TTC28: variants seen among roughly 807,000 people sequenced by gnomAD.
The protein encoded by TTC28 is tetratricopeptide repeat protein 28.
Under a neutral mutation model 198.0 loss-of-function variants are expected in TTC28, and 61 were observed. The ratio of observed to expected loss-of-function variants is 0.31; its 90% confidence interval spans 0.25 to 0.38. The LOEUF (loss-of-function observed/expected upper bound fraction) is 0.38, where lower values mean the gene tolerates loss of function less well. Ranked by LOEUF, TTC28 falls within the 10% of genes least tolerant of loss-of-function variation. TTC28 has a pLI of 1.00. For synonymous variants in TTC28, 1,171 were observed against 1,297.8 expected (o/e 0.90, Z 2.10); for missense variants, 2,678 against 3,164.0 (o/e 0.85, Z 3.69).
intron 2 of TTC28, among the ~76,000 whole-genome samples, chr22:28,367,372 A>C (rs2046264564): frequency 6.6e-6 from 1 of 152,118 alleles, no homozygotes. Flanking sequence ...AAGGAAAATG[A>C]AAATTTTCTT....
intron 16 of TTC28, chr22:27,997,776 C>T (rs181882348): frequency 6.6e-6 from 1 of 152,404 alleles, no homozygotes; most frequent in Non-Finnish European, 1.5e-5. Flanking sequence ...GCCGAGAGGC[C>T]ACTGAGGGAA....
At chr22:28,353,673 A>C (rs2046033392) in intron 2 of TTC28, among the ~76,000 whole-genome samples, 1 of 152,210 alleles carries the variant, frequency 6.6e-6, no homozygotes, top group South Asian at 2.1e-4. Flanking sequence ...GTGGACCCTT[A>C]CCTTATACTA....
chr22:28,132,069 T>C (rs1020525886), intron 6 of TTC28, among the ~76,000 whole-genome samples: 24 of 152,104 alleles, frequency 1.6e-4, no homozygotes, highest in Non-Finnish European at 2.9e-4. Flanking sequence ...CCAACAGTTA[T>C]ACTCTAAGAA....
At chr22:28,567,506 A>ATATATATATATG (rs1223631976) in intron 2 of TTC28, among the ~76,000 whole-genome samples, 2 of 133,886 alleles carry the variant, frequency 1.5e-5, no homozygotes, top group Non-Finnish European at 3.2e-5. Flanking sequence ...ATATATATAT[A>ATATATATATATG]TATGTTTTTA....
intron 5 of TTC28, among the ~76,000 whole-genome samples, chr22:28,210,428 G>A (rs527368584): frequency 2.1e-4 from 32 of 152,234 alleles, no homozygotes; most frequent in African/African-American, 6.0e-4. Flanking sequence ...AATAAACAGT[G>A]TAGAGAAGAC....
intron 5 of TTC28, among the ~76,000 whole-genome samples, chr22:28,240,184 C>T (rs555065471): frequency 2.0e-5 from 3 of 152,342 alleles, no homozygotes; most frequent in East Asian, 3.9e-4. Flanking sequence ...TTAGGAAATA[C>T]TGAATGTGTT....
At chr22:28,445,813 C>A (rs1485915226) in intron 2 of TTC28, among the ~76,000 whole-genome samples, 1 of 152,006 alleles carries the variant, frequency 6.6e-6, no homozygotes, top group African/African-American at 2.4e-5. Flanking sequence ...TTCTACCCTA[C>A]TTACCCTGTT....
chr22:28,222,505 G>A (rs1927963864), intron 5 of TTC28, among the ~76,000 whole-genome samples: 1 of 152,194 alleles, frequency 6.6e-6, no homozygotes, highest in South Asian at 2.1e-4. Flanking sequence ...CAGTGAGAAT[G>A]GCTTCCTTCT....
intron 15 of TTC28, chr22:28,001,084 T>C (rs1012160805): frequency 1.0e-5 from 3 of 292,024 alleles, no homozygotes; most frequent in Non-Finnish European, 2.0e-5. Context: ...CAAGCCTTGC[T>C]GTGTACCTCA....
intron 5 of TTC28, among the ~76,000 whole-genome samples, chr22:28,210,468 T>C (rs896287463): frequency 5.3e-5 from 8 of 152,006 alleles, no homozygotes; most frequent in African/African-American, 1.7e-4. Context: ...CTGAAAACCA[T>C]GGCATGAGAA....
At chr22:28,097,547 A>G (rs991460453) in intron 10 of TTC28, among the ~76,000 whole-genome samples, 1 of 152,258 alleles carries the variant, frequency 6.6e-6, no homozygotes, top group African/African-American at 2.4e-5. Flanking sequence ...AATCTAGTTT[A>G]AAAGCTAATG....
intron 12 of TTC28, among the ~76,000 whole-genome samples, chr22:28,055,018 G>A (rs753306519): frequency 2.6e-5 from 4 of 152,186 alleles, no homozygotes; most frequent in Non-Finnish European, 4.4e-5. Context: ...ATCAGGGTTG[G>A]GTTCACACTA....
intron 2 of TTC28, among the ~76,000 whole-genome samples, chr22:28,517,968 G>T (rs1038564160): frequency 6.6e-6 from 1 of 150,920 alleles, no homozygotes; most frequent in Non-Finnish European, 1.5e-5. Flanking sequence ...TACACTCAAG[G>T]TCCCACTATG....
chr22:28,221,542 C>A (rs759229299), intron 5 of TTC28, among the ~76,000 whole-genome samples: 1 of 152,132 alleles, frequency 6.6e-6, no homozygotes, highest in Non-Finnish European at 1.5e-5. Flanking sequence ...TCTAAATCCA[C>A]AGTATGGTAT....
chr22:28,567,673 C>T (rs956145980), intron 2 of TTC28, among the ~76,000 whole-genome samples: 2 of 151,300 alleles, frequency 1.3e-5, no homozygotes, highest in African/African-American at 2.4e-5. Context: ...ATTTTTCAGA[C>T]TTGTGGCATT....
chr22:28,403,439 A>C (rs2046950521), intron 2 of TTC28, among the ~76,000 whole-genome samples: 2 of 152,226 alleles, frequency 1.3e-5, no homozygotes, highest in Non-Finnish European at 2.9e-5. Flanking sequence ...TAAAATGAAC[A>C]ATTGCCCTGC....
intron 19 of TTC28, 61 bp from the exon 20 acceptor site, chr22:27,990,873 A>G (rs565689831): frequency 6.7e-7 from 1 of 1,502,462 alleles, no homozygotes; most frequent in South Asian, 1.2e-5. Flanking sequence ...TTTAGACTCA[A>G]GCACAGGCTG....
rs561555822 is a variant in TTC28 at position 28,501,592 on chromosome 22, T to C, written c.381+127960A>G. 3.9e-5 allele frequency among the ~76,000 whole-genome samples: 6 copies of C among 152,220 alleles called. 1 individual carries two copies. In the South Asian group the frequency reaches 8.3e-4, roughly 21 times the overall value. ...TAGAACTGATAAATCCTCAAGGTAA[T>C]AGATATCCCAAATACCCCAACTTAT... is the stretch of plus-strand genomic sequence containing the variant. On this transcript the variant is annotated intron_variant, in intron 2 of 22. Transcript: ENST00000397906.
intron 3 of TTC28, 52 bp from the exon 4 acceptor site, chr22:28,297,904 C>A (rs2044932419): frequency 6.6e-7 from 1 of 1,515,098 alleles, no homozygotes; most frequent in South Asian, 1.2e-5. Context: ...TAGGATGATA[C>A]AAAAACAATC....
Sources: allele counts gnomAD v4.1 joint callset (sites outside exome capture counted in the v4.1 genomes callset), GRCh38; gene constraint gnomAD v4.1.1; transcripts MANE v1.5; gene names NCBI Gene and HGNC (gene_info 2026-07-23, HGNC 2026-07-21).